Variants in ARHGAP15 observed in about 807,000 individuals in gnomAD.
ARHGAP15 encodes rho GTPase-activating protein 15.
ARHGAP15 carries 51 observed loss-of-function variants against 63.7 expected under a neutral mutation model. The ratio of observed to expected loss-of-function variants is 0.80; its 90% CI spans 0.64 to 1.01. The LOEUF (loss-of-function observed/expected upper bound fraction) is 1.01. Among genes scored for constraint, ARHGAP15 ranks in the 50% least tolerant of loss-of-function variants. The probability of loss-of-function intolerance (pLI) is 0.00; values close to 1 mark genes in which losing one functional copy is unlikely to be tolerated. For synonymous variants in ARHGAP15, 191 were observed against 193.8 expected, an observed-to-expected ratio of 0.99 and a Z score of 0.12; for missense variants, 560 against 564.6, an observed-to-expected ratio of 0.99 and a Z score of 0.08.
intron 10 of ARHGAP15, among the ~76,000 whole-genome samples, chr2:143,552,790 A>C (rs1364106712): frequency 1.3e-5 from 2 of 152,148 alleles, no homozygotes; most frequent in African/African-American, 4.8e-5. Flanking sequence ...CGTGTTCCCA[A>C]AGTATTTTTA....
At chr2:143,381,609 C>G (rs572071645) in intron 6 of ARHGAP15, among the ~76,000 whole-genome samples, 1 of 152,152 alleles carries the variant, frequency 6.6e-6, no homozygotes, top group African/African-American at 2.4e-5. Context: ...ACAGCTGGTA[C>G]TGCTTGACTG....
intron 11 of ARHGAP15, among the ~76,000 whole-genome samples, chr2:143,564,663 T>C (rs1235273202): frequency 6.6e-6 from 1 of 152,190 alleles, no homozygotes; most frequent in Non-Finnish European, 1.5e-5. Flanking sequence ...GAATGCCTGT[T>C]TCGATAACTA....
intron 6 of ARHGAP15, among the ~76,000 whole-genome samples, chr2:143,341,384 G>A (rs1395979349): frequency 1.3e-5 from 2 of 152,134 alleles, no homozygotes; most frequent in African/African-American, 4.8e-5. Flanking sequence ...CTTTATAGGT[G>A]AAGCTAACAG....
rs1412512679 is a variant in ARHGAP15 at position 143,684,386 on chromosome 2, G to GTTCT, written c.1139-19030_1139-19027dup. Among the ~76,000 whole-genome samples the GTTCT allele has an allele frequency of 3.3e-5, 5 of 152,076 alleles. No individual in the cohort carries two copies. The East Asian group carries it at 5.8e-4, about 18-fold the overall frequency. ...TTTCTGCTTTTTTGGGGTTTTAGTGGTTCTTTTTAGTTTAACCAAATACCC... is the reference window on the plus strand; with the variant it reads ...TTTCTGCTTTTTTGGGGTTTTAGTGGTTCTTTCTTTTTAGTTTAACCAAATACCC... On this transcript the variant is annotated intron_variant, in intron 12 of 13. Transcript: ENST00000295095.
intron 6 of ARHGAP15, among the ~76,000 whole-genome samples, chr2:143,399,591 C>T (rs1687911977): frequency 6.6e-6 from 1 of 151,842 alleles, no homozygotes; most frequent in Non-Finnish European, 1.5e-5. Flanking sequence ...CAGGGTTTTC[C>T]CACGTATTAT....
At chr2:143,231,950 C>T (rs1345968474) in intron 5 of ARHGAP15, among the ~76,000 whole-genome samples, 1 of 152,204 alleles carries the variant, frequency 6.6e-6, no homozygotes, top group Non-Finnish European at 1.5e-5. Context: ...ATCTAATTAC[C>T]TCCCAAAGGC....
chr2:143,569,211 A>G (rs1398246935), intron 11 of ARHGAP15, among the ~76,000 whole-genome samples: 1 of 152,218 alleles, frequency 6.6e-6, no homozygotes, highest in Non-Finnish European at 1.5e-5. Flanking sequence ...TGAAGACTTC[A>G]AATGGGGATT....
At chr2:143,603,485 T>C (rs1298865221) in intron 11 of ARHGAP15, among the ~76,000 whole-genome samples, 1 of 152,146 alleles carries the variant, frequency 6.6e-6, no homozygotes, top group African/African-American at 2.4e-5. Context: ...ATGCTTTTTG[T>C]ATTGTTGTTT....
At chr2:143,349,250 G>A (rs1685450022) in intron 6 of ARHGAP15, among the ~76,000 whole-genome samples, 1 of 152,140 alleles carries the variant, frequency 6.6e-6, no homozygotes, top group African/African-American at 2.4e-5. Context: ...TTGAGTGAGA[G>A]GATAAAAGGG....
chr2:143,571,582 G>C (rs894203445), intron 11 of ARHGAP15, among the ~76,000 whole-genome samples: 1 of 152,144 alleles, frequency 6.6e-6, no homozygotes, highest in Non-Finnish European at 1.5e-5. Context: ...ATTCTAAAAA[G>C]CCCATGGAAT....
At chr2:143,150,539 T>A (rs576419771) in intron 1 of ARHGAP15, among the ~76,000 whole-genome samples, 10 of 152,140 alleles carry the variant, frequency 6.6e-5, no homozygotes, top group Non-Finnish European at 1.5e-4. Context: ...CACAAGGTAT[T>A]CTTGCTCTTC....
chr2:143,205,303 C>T (rs115268731), intron 3 of ARHGAP15, among the ~76,000 whole-genome samples: 1,639 of 146,400 alleles, frequency 0.011, 37 homozygotes, highest in African/African-American at 0.039. Flanking sequence ...AATGAACAAA[C>T]AAGAAACCAC....
intron 9 of ARHGAP15, among the ~76,000 whole-genome samples, chr2:143,513,294 C>T (rs1211147067): frequency 6.6e-6 from 1 of 152,104 alleles, no homozygotes; most frequent in African/African-American, 2.4e-5. Context: ...TAATGTACCT[C>T]CCCCACTTCC....
chr2:143,208,977 C>A (rs900380815), intron 3 of ARHGAP15, among the ~76,000 whole-genome samples: 2 of 152,062 alleles, frequency 1.3e-5, no homozygotes, highest in African/African-American at 4.8e-5. Context: ...GGCTTGGGGG[C>A]AAAGCAGGCT....
intron 6 of ARHGAP15, among the ~76,000 whole-genome samples, chr2:143,405,618 C>T (rs370006160): frequency 1.3e-5 from 2 of 151,948 alleles, no homozygotes; most frequent in African/African-American, 4.8e-5. Flanking sequence ...TAACAACTTT[C>T]TCACTTGAAG....
intron 11 of ARHGAP15, among the ~76,000 whole-genome samples, chr2:143,568,071 A>T (rs1442410280): frequency 6.6e-6 from 1 of 152,246 alleles, no homozygotes; most frequent in Non-Finnish European, 1.5e-5. Context: ...AAAACCCTAG[A>T]AGAAAAACTA....
At chr2:143,424,822 A>G (rs917136982) in intron 6 of ARHGAP15, among the ~76,000 whole-genome samples, 1 of 152,130 alleles carries the variant, frequency 6.6e-6, no homozygotes, top group African/African-American at 2.4e-5. Context: ...AAGCTTCTTA[A>G]GAGGAAGGGT....
At chr2:143,385,422 G>A (rs189230457) in intron 6 of ARHGAP15, among the ~76,000 whole-genome samples, 29 of 152,204 alleles carry the variant, frequency 1.9e-4, no homozygotes, top group African/African-American at 6.5e-4. Flanking sequence ...CAGAATAATA[G>A]CTAAACTTAT....
chr2:143,154,066 T>TGC (rs1689982118), intron 1 of ARHGAP15, among the ~76,000 whole-genome samples: 2 of 151,714 alleles, frequency 1.3e-5, no homozygotes, highest in Admixed American at 6.6e-5. Flanking sequence ...CATATGGGTC[T>TGC]TCTTTTGGGA....
Sources: gnomAD v4.1 joint callset for allele counts (sites outside exome capture counted in the v4.1 genomes callset) on GRCh38, gnomAD v4.1.1 for gene constraint, MANE v1.5 for transcripts, NCBI Gene and HGNC (gene_info 2026-07-23, HGNC 2026-07-21) for gene names.